Variants in PRRC2C observed in about 807,000 individuals in gnomAD.
PRRC2C encodes protein PRRC2C.
A neutral mutation model predicts 317.2 loss-of-function variants in PRRC2C; 72 were observed. The ratio of observed to expected loss-of-function variants is 0.23; its 90% CI spans 0.19 to 0.28. The LOEUF (loss-of-function observed/expected upper bound fraction) is 0.28, where lower values mean the gene tolerates loss of function less well. PRRC2C is among the 10% of genes least tolerant of loss of function. The pLI is 1.00. For synonymous variants in PRRC2C, 1,296 were observed against 1,205.9 expected (o/e 1.07, Z -1.55); for missense variants, 3,074 against 3,459.7 (o/e 0.89, Z 2.80).
intron 9 of PRRC2C, among the ~76,000 whole-genome samples, chr1:171,524,027 C>A (rs1674096086): frequency 1.4e-5 from 2 of 143,172 alleles, no homozygotes; most frequent in African/African-American, 2.5e-5. Flanking sequence ...CAGAGCAAGA[C>A]TGTATCTCAA....
rs774928271 is a variant in PRRC2C at position 171,579,342 on chromosome 1, G to A, written c.7160-12G>A. On this transcript the variant is annotated splice_polypyrimidine_tract_variant and intron_variant, in intron 26 of 34. Transcript: ENST00000647382. Reference sequence around the variant, plus strand: ...ACACTTACTACTGCTTGTTTATCCTGATGGTCTACAGCTCAAATCCCAGCC... The same window carrying A: ...ACACTTACTACTGCTTGTTTATCCTAATGGTCTACAGCTCAAATCCCAGCC... The A allele has an allele frequency of 1.3e-5, 21 of 1,609,214 alleles. No homozygotes were observed. The highest frequency in any genetic ancestry group is 1.8e-5 in the Non-Finnish European group (21 of 1,177,022).
intron 9 of PRRC2C, among the ~76,000 whole-genome samples, chr1:171,524,294 A>T (rs1181651919): frequency 6.6e-6 from 1 of 152,164 alleles, no homozygotes; most frequent in Non-Finnish European, 1.5e-5. Context: ...CCAGTCAGGA[A>T]TATATGGGTT....
At chr1:171,584,689 G>T in intron 30 of PRRC2C, 163 bp downstream of exon 30, 1 of 789,732 alleles carries the variant, frequency 1.3e-6, no homozygotes, top group South Asian at 2.3e-5. Flanking sequence ...CACGTAGAAG[G>T]GGTTTCAGGC....
In PRRC2C at chr1:171,515,860, G is replaced by GT. The variant is rs758035385; in HGVS notation, c.526+2dup. Reference sequence around the variant, plus strand: ...CCTGGACCCAGTTTACGTCCACCAAGTAAGAGTACTTTCTCTTTAATACAA... The same window carrying GT: ...CCTGGACCCAGTTTACGTCCACCAAGTTAAGAGTACTTTCTCTTTAATACAA... On this transcript the variant is annotated splice_donor_variant, in intron 5 of 34. Coordinates refer to ENST00000647382, the MANE Select transcript of PRRC2C (RefSeq NM_001387844.1). LOFTEE classifies it high-confidence loss of function. The GT allele has an allele frequency of 6.3e-7, 1 of 1,585,872 alleles. No individual in the cohort carries two copies. Among genetic ancestry groups the GT allele is most frequent in the Admixed American group, 1.9e-5 (1 of 52,652 alleles).
chr1:171,559,662 C>T (rs1255927335), intron 19 of PRRC2C, among the ~76,000 whole-genome samples: 1 of 151,934 alleles, frequency 6.6e-6, no homozygotes, highest in African/African-American at 2.4e-5. Flanking sequence ...TCTGGGACTA[C>T]AGGCACACGT....
chr1:171,487,611 G>C (rs2207194), intron 1 of PRRC2C, among the ~76,000 whole-genome samples: 19 of 151,900 alleles, frequency 1.3e-4, no homozygotes, highest in Non-Finnish European at 2.8e-4. Context: ...AAATTTAGGC[G>C]TCTGATCTAT....
At chr1:171,496,722 C>T (rs1442411249) in intron 1 of PRRC2C, among the ~76,000 whole-genome samples, 2 of 151,666 alleles carry the variant, frequency 1.3e-5, no homozygotes, top group African/African-American at 2.4e-5. Flanking sequence ...GCTCTTATTC[C>T]TTACTTGTAT....
chr1:171,486,107 CTTTT>C (rs34040896), intron 1 of PRRC2C, among the ~76,000 whole-genome samples: 12 of 95,588 alleles, frequency 1.3e-4, no homozygotes, highest in Admixed American at 1.1e-4. Context: ...GACGTGAAGT[CTTTT>C]TTTTTTTTTT....
At position 171,577,471 on chromosome 1, in the gene PRRC2C, A is replaced by G. The variant is rs1428686731; in HGVS notation, c.6993A>G (p.Lys2331=). The part of the protein sequence containing the change: ...GTYTTSSLST[K]STTTSDPPNI... Reference sequence around the variant, plus strand: ...ACACTACCTCTTCTTTGAGCACAAAATCTACAACCACATCGGACCCTCCAA... The same window carrying G: ...ACACTACCTCTTCTTTGAGCACAAAGTCTACAACCACATCGGACCCTCCAA... The change falls in exon 26 of 35, where the codon AAA becomes AAG. Residue 2331 remains lysine (K), a synonymous_variant. Transcript: ENST00000647382. The G allele has an allele frequency of 6.2e-7, 1 of 1,612,786 alleles. No individual in the cohort carries two copies. The highest frequency in any genetic ancestry group is 1.7e-5 in the Admixed American group (1 of 59,984).
chr1:171,546,637 T>C lies in PRRC2C; in HGVS notation c.4972+950T>C, dbSNP rs561971061. Among the ~76,000 whole-genome samples, 111 of 152,296 alleles carry C rather than the reference T, an allele frequency of 7.3e-4. 1 individual carries two copies. The highest frequency in any genetic ancestry group is 3.1e-3 in the Admixed American group (48 of 15,296). On this transcript the variant is annotated intron_variant, in intron 17 of 34. Coordinates refer to ENST00000647382, the MANE Select transcript of PRRC2C (RefSeq NM_001387844.1). ...TGTTTTGAGACAGAGACTTACTCTG[T>C]TGCCCAGGCTGGTGTACAGTGATGC...
intron 11 of PRRC2C, among the ~76,000 whole-genome samples, chr1:171,528,144 T>C (rs1275670441): frequency 1.3e-5 from 2 of 152,154 alleles, no homozygotes; most frequent in Non-Finnish European, 2.9e-5. Context: ...ACTTGGTTCC[T>C]TGTATCCTTT....
Position 171,574,986 on chromosome 1 carries a change from A to G in PRRC2C, c.6813A>G (p.Pro2271=), listed in dbSNP as rs750535636. Residue 2271 remains proline (P), a synonymous_variant, in exon 25 of 35, where the codon CCA becomes CCG. Transcript: ENST00000647382. The part of the protein sequence containing the change: ...NSPNVREKGS[P]VTSTAPPIAT... Reference sequence around the variant, plus strand: ...CAAATGTAAGGGAAAAGGGGTCTCCAGTAACTTCCACAGCACCTCCAATTG... The same window carrying G: ...CAAATGTAAGGGAAAAGGGGTCTCCGGTAACTTCCACAGCACCTCCAATTG... 2 of 1,613,846 alleles carry G rather than the reference A, an allele frequency of 1.2e-6. No individual in the cohort carries two copies. The highest frequency in any genetic ancestry group is 2.7e-5 in the African/African-American group (2 of 74,926).
intron 14 of PRRC2C, among the ~76,000 whole-genome samples, 178 bp downstream of exon 14, chr1:171,536,456 G>A (rs1676850930): frequency 6.6e-6 from 1 of 152,104 alleles, no homozygotes. Context: ...TACTTATGTG[G>A]CAAGAACAAA....
intron 23 of PRRC2C, among the ~76,000 whole-genome samples, chr1:171,569,593 T>TATATATATATATATATATATATA (rs1558024214): frequency 2.3e-5 from 3 of 130,638 alleles, no homozygotes; most frequent in Admixed American, 7.7e-5. Context: ...TATATATATA[T>TATATATATATATATATATATATA]GGTTTTTTTT....
At position 171,589,354 on chromosome 1, in the gene PRRC2C, GT is replaced by G; in HGVS notation, c.8200-8del. 17 of 760,990 alleles carry G rather than the reference GT, an allele frequency of 2.2e-5. No homozygotes were observed. The highest frequency in any genetic ancestry group is 3.0e-5 in the Non-Finnish European group (17 of 560,072). The allele number at this position is 760,990 out of a possible 1,614,324, so 47.1% of individuals were successfully genotyped here. A position where few individuals can be genotyped will look rare whatever the true frequency, so the allele number is the denominator to read the frequency against. On this transcript the variant is annotated splice_polypyrimidine_tract_variant and intron_variant, in intron 33 of 34. Transcript: ENST00000647382. ...TTAACAGTTCAATGTTGTATGTTTT[GT>G]TTTTTTCACTCAGATTCTCTCCCAG...
At chr1:171,567,913 G>C (rs760985599) in intron 22 of PRRC2C, among the ~76,000 whole-genome samples, 4 of 152,202 alleles carry the variant, frequency 2.6e-5, no homozygotes, top group African/African-American at 9.7e-5. Context: ...TTGGCCAGGC[G>C]TGGTGGCTCA....
chr1:171,535,349 A>G, intron 12 of PRRC2C, 79 bp from the exon 13 acceptor site: 1 of 1,284,002 alleles, frequency 7.8e-7, no homozygotes, highest in Non-Finnish European at 1.1e-6. Context: ...CTTTTATTAT[A>G]CCTCAGTCTT....
At position 171,557,543 on chromosome 1, in the gene PRRC2C, G is replaced by C; in HGVS notation, c.5431G>C (p.Val1811Leu). ...APVPASPLAP[V>L]SASASVSASV... ...AGTTCCAGCCTCACCCTTAGCTCCA[G>C]TTTCAGCCTCAGCCTCAGTCTCAGC... Residue 1811 changes from valine (V) to leucine (L), a missense_variant, in exon 19 of 35, where the codon GTT becomes CTT. Physicochemically the swap from Val to Leu is conservative, Grantham distance 32. Around this residue, in one of 11 missense-constraint regions of PRRC2C, gnomAD observed 640 missense variants for 676.1 expected, o/e 0.95. Transcript: ENST00000647382. 6.4e-7 allele frequency: 1 copy of C among 1,551,528 alleles called. No individual in the cohort carries two copies. Among genetic ancestry groups the C allele is most frequent in the Non-Finnish European group, 8.7e-7 (1 of 1,146,940 alleles).
chr1:171,577,950 CTTT>C (rs59582313), intron 26 of PRRC2C, among the ~76,000 whole-genome samples: 20 of 103,732 alleles, frequency 1.9e-4, no homozygotes, highest in South Asian at 3.6e-4. Context: ...GCTAATTTTT[CTTT>C]TTTTTTTTTT....
Sources: gnomAD v4.1 joint callset for allele counts (sites outside exome capture counted in the v4.1 genomes callset) on GRCh38, gnomAD v4.1.1 for gene constraint, gnomAD v4.1.1 regional missense constraint, MANE v1.5 for transcripts, NCBI Gene and HGNC (gene_info 2026-07-23, HGNC 2026-07-21) for gene names.